The following ZCCHC14 variants were observed in gnomAD, a reference collection of about 807,000 sequenced individuals.
ZCCHC14 encodes the protein zinc finger CCHC domain-containing protein 14.
In ZCCHC14, 16 loss-of-function variants were observed where a neutral mutation model predicts 85.0. The ratio of observed to expected loss-of-function variants is 0.19; its 90% CI spans 0.13 to 0.29. ZCCHC14 has a LOEUF of 0.29. Among genes scored for constraint, ZCCHC14 ranks in the 10% least tolerant of loss-of-function variants. The pLI is 1.00. For missense variants in ZCCHC14, 1,303 were observed against 1,443.5 expected, an observed-to-expected ratio of 0.90 and a Z score of 1.58; for synonymous variants, 775 against 630.7, an observed-to-expected ratio of 1.23 and a Z score of -3.43.
chr16:87,487,843 G>C (rs899673638), intron 1 of ZCCHC14, among the ~76,000 whole-genome samples: 1 of 150,900 alleles, frequency 6.6e-6, no homozygotes, highest in African/African-American at 2.4e-5. Flanking sequence ...CAGCATGGAC[G>C]GGCCCTGACA....
chr16:87,468,117 A>G (rs1911612587), intron 1 of ZCCHC14, among the ~76,000 whole-genome samples: 1 of 152,212 alleles, frequency 6.6e-6, no homozygotes, highest in African/African-American at 2.4e-5. Context: ...TATTAGATGT[A>G]AATCTTCATT....
At chr16:87,481,640 G>A (rs1435327546) in intron 1 of ZCCHC14, among the ~76,000 whole-genome samples, 3 of 150,298 alleles carry the variant, frequency 2.0e-5, no homozygotes, top group Non-Finnish European at 4.4e-5. Flanking sequence ...CACTGAACCG[G>A]GGCTGTAACG....
At chr16:87,450,968 G>C (rs1288703187) in intron 2 of ZCCHC14, among the ~76,000 whole-genome samples, 1 of 151,912 alleles carries the variant, frequency 6.6e-6, no homozygotes, top group Non-Finnish European at 1.5e-5. Flanking sequence ...GCACGATCTT[G>C]CCTCACAACA....
Position 87,412,618 on chromosome 16 carries a change from G to C in ZCCHC14, c.2103C>G (p.Pro701=), listed in dbSNP as rs757346573. ...SFGSAMMDVL[P]ASAPHQPVQV... Reference sequence around the variant, plus strand: ...GCACAGGCTGGTGGGGTGCGGACGCGGGCAGCACGTCCATCATGGCGCTGC... The same window carrying C: ...GCACAGGCTGGTGGGGTGCGGACGCCGGCAGCACGTCCATCATGGCGCTGC... The change falls in exon 12 of 13, where the codon CCC becomes CCG. Residue 701 remains proline, a synonymous_variant. Coordinates refer to ENST00000671377, the MANE Select transcript of ZCCHC14 (RefSeq NM_015144.3). The C allele has an allele frequency of 1.2e-6, 2 of 1,614,044 alleles. No homozygotes were observed. Among genetic ancestry groups the C allele is most frequent in the African/African-American group, 2.7e-5 (2 of 74,922 alleles).
intron 8 of ZCCHC14, among the ~76,000 whole-genome samples, chr16:87,415,976 G>C (rs1908762332): frequency 6.6e-6 from 1 of 152,048 alleles, no homozygotes; most frequent in Admixed American, 6.6e-5. Context: ...ACCTAGGCTG[G>C]AGTGCAGTGG....
intron 1 of ZCCHC14, among the ~76,000 whole-genome samples, chr16:87,475,506 G>A (rs1200245708): frequency 6.9e-6 from 1 of 144,712 alleles, no homozygotes; most frequent in Non-Finnish European, 1.5e-5. Context: ...TGAGCCGAGA[G>A]TGTGCCACTG....
chr16:87,462,122 A>AT (rs1911291685), intron 1 of ZCCHC14, among the ~76,000 whole-genome samples: 1 of 149,074 alleles, frequency 6.7e-6, no homozygotes. Context: ...TAAAAAAGTA[A>AT]AAAAAAAAAA....
At chr16:87,446,326 A>T (rs2150748099) in intron 2 of ZCCHC14, among the ~76,000 whole-genome samples, 1 of 152,184 alleles carries the variant, frequency 6.6e-6, no homozygotes, top group East Asian at 1.9e-4. Context: ...TCTACTAAAA[A>T]TACAAAAATT....
At chr16:87,454,083 G>C (rs1910836952) in intron 2 of ZCCHC14, among the ~76,000 whole-genome samples, 1 of 152,126 alleles carries the variant, frequency 6.6e-6, no homozygotes, top group African/African-American at 2.4e-5. Context: ...AGAGCTTGAA[G>C]ACAGATAAAA....
At chr16:87,424,648 G>A (rs994291311) in intron 3 of ZCCHC14, among the ~76,000 whole-genome samples, 6 of 152,310 alleles carry the variant, frequency 3.9e-5, no homozygotes, top group Middle Eastern at 3.4e-3. Context: ...CTATCACAAT[G>A]CTCGTCACAT....
Position 87,420,795 on chromosome 16 carries a change from T to C in ZCCHC14, c.841-79A>G, listed in dbSNP as rs1021831182. 3 of 1,243,214 alleles carry C rather than the reference T, an allele frequency of 2.4e-6. No individual in the cohort carries two copies. The highest frequency in any genetic ancestry group is 3.0e-5 in the African/African-American group (2 of 66,126). The allele number at this position is 1,243,214 out of a possible 1,614,324, so 77.0% of individuals were successfully genotyped here. A position where few individuals can be genotyped will look rare whatever the true frequency, so the allele number is the denominator to read the frequency against. On this transcript the variant is annotated intron_variant, in intron 4 of 12. Coordinates refer to ENST00000671377, the MANE Select transcript of ZCCHC14 (RefSeq NM_015144.3). This position sits in a 1 kb window ranked among gnomAD's most constrained non-coding sequence, Gnocchi z 5.0. ...AGAATTCTGCTACTGCAGGAAAACC[T>C]GGGGCAGGTGCTCCATGGTGCCGCC...
At chr16:87,467,617 T>A in intron 1 of ZCCHC14, 1 of 1,152,510 alleles carries the variant, frequency 8.7e-7, no homozygotes, top group Non-Finnish European at 1.3e-6. Context: ...GATGACAACT[T>A]GACTTCCTTG....
At position 87,411,554 on chromosome 16, in the gene ZCCHC14, T is replaced by G. The variant is rs1160104885; in HGVS notation, c.3167A>C (p.Gln1056Pro). 2 of 1,613,596 alleles carry G rather than the reference T, an allele frequency of 1.2e-6. No individual in the cohort carries two copies. The highest frequency in any genetic ancestry group is 1.1e-5 in the South Asian group (1 of 91,094). The change falls in exon 12 of 13, where the codon CAG becomes CCG. Residue 1056 changes from glutamine (Q) to proline (P), a missense_variant. Physicochemically the swap from Gln to Pro is moderately conservative, Grantham distance 76. Transcript: ENST00000671377. ...GTCCATGGACGGCTGTTTGCAGTCC[T>G]GGGCGCGGTGACCAGTGGCCCCGCA... ...YNCGATGHRA[Q>P]DCKQPSMDFN...
Position 87,411,645 on chromosome 16 carries a change from G to C in ZCCHC14, c.3076C>G (p.Gln1026Glu). ...CCATTGCTACTGCCCACCAGTCCTT[G>C]GGTCTGGTACACCCCTGCTGTCCCT... ...MAGTAGVYQT[Q>E]GLVGSSNGSS... The change falls in exon 12 of 13, where the codon CAA (glutamine) becomes GAA (glutamate). Residue 1026 changes from glutamine (Q) to glutamate (E), a missense_variant. Gln to Glu is a conservative substitution (Grantham distance 29). This residue lies in a region of ZCCHC14 where 797 missense variants were observed against 730.8 expected (regional missense o/e 1.09). Coordinates refer to ENST00000671377, the MANE Select transcript of ZCCHC14 (RefSeq NM_015144.3). 3 of 1,613,958 alleles carry C rather than the reference G, an allele frequency of 1.9e-6. No individual in the cohort carries two copies. Among genetic ancestry groups the C allele is most frequent in the Non-Finnish European group, 2.5e-6 (3 of 1,179,962 alleles).
In ZCCHC14 at chr16:87,412,386, A is replaced by G; in HGVS notation, c.2335T>C (p.Ser779Pro). 6.2e-7 allele frequency: 1 copy of G among 1,614,210 alleles called. No homozygotes were observed. The highest frequency in any genetic ancestry group is 1.1e-5 in the South Asian group (1 of 91,086). ...GCAGAATCAGCAGGAACAGATGACGACAGCAGCAGTTTGATGGGCGGACGG... is the reference window on the plus strand; with the variant it reads ...GCAGAATCAGCAGGAACAGATGACGGCAGCAGCAGTTTGATGGGCGGACGG... ...AARPPIKLLL[S>P]SSVPADSAIS... is the part of the protein sequence containing the mutation. Residue 779 changes from serine to proline, a missense_variant, in exon 12 of 13, where the codon TCG becomes CCG. Physicochemically the swap from Ser to Pro is moderately conservative, Grantham distance 74. Around this residue, in one of 7 missense-constraint regions of ZCCHC14, gnomAD observed 797 missense variants for 730.8 expected, o/e 1.09. Transcript: ENST00000671377.
At chr16:87,447,169 T>C (rs1224438924) in intron 2 of ZCCHC14, among the ~76,000 whole-genome samples, 1 of 152,098 alleles carries the variant, frequency 6.6e-6, no homozygotes. Flanking sequence ...GACACATACA[T>C]ATTCTTAAAG....
At position 87,420,716 on chromosome 16, in the gene ZCCHC14, G is replaced by C. The variant is rs1374059066; in HGVS notation, c.841C>G (p.Leu281Val). ...TTCTCTTCAGGATAGAGCTGACATA[G>C]CTGGAAGAGAGGACAAGGTAGAGGA... ...SSEVTEFISKLCQLYPEENLE... is the reference protein window; with the variant it reads ...SSEVTEFISKVCQLYPEENLE... Residue 281 changes from leucine to valine, a missense_variant and splice_region_variant, in exon 5 of 13, where the codon CTA (leucine) becomes GTA (valine). Coordinates refer to ENST00000671377, the MANE Select transcript of ZCCHC14 (RefSeq NM_015144.3). The surrounding 1 kb of genome is among the most constrained non-coding windows in gnomAD (Gnocchi z 5.0). 1 of 1,610,962 alleles carries C rather than the reference G, an allele frequency of 6.2e-7. No homozygotes were observed. Among genetic ancestry groups the C allele is most frequent in the South Asian group, 1.1e-5 (1 of 90,366 alleles).
At chr16:87,452,488 C>T (rs914807806) in intron 2 of ZCCHC14, among the ~76,000 whole-genome samples, 1 of 151,900 alleles carries the variant, frequency 6.6e-6, no homozygotes, top group African/African-American at 2.4e-5. Context: ...ACGGCTCAGG[C>T]AAAGCGTAAA....
intron 1 of ZCCHC14, among the ~76,000 whole-genome samples, chr16:87,490,651 CCACT>C (rs1433517530): frequency 6.6e-6 from 1 of 152,178 alleles, no homozygotes; most frequent in African/African-American, 2.4e-5. Context: ...CGGTGCCCTC[CCACT>C]CAAAGTCAGC....
Sources: gnomAD v4.1 joint callset for allele counts (sites outside exome capture counted in the v4.1 genomes callset) on GRCh38, gnomAD v4.1.1 for gene constraint, gnomAD v4.1.1 regional missense constraint, Gnocchi (gnomAD v3.1) non-coding constraint, MANE v1.5 for transcripts, NCBI Gene and HGNC (gene_info 2026-07-23, HGNC 2026-07-21) for gene names.